CMIP: variants seen among roughly 807,000 people sequenced by gnomAD.
The protein encoded by CMIP is C-Maf-inducing protein.
CMIP carries 13 observed loss-of-function variants against 97.3 expected under a neutral mutation model. The observed-to-expected ratio is 0.13, with a 90% CI of 0.09 to 0.21. The LOEUF is 0.21. Ranked by LOEUF, CMIP falls within the 10% of genes least tolerant of loss-of-function variation. The pLI, the probability that CMIP is intolerant of heterozygous loss-of-function variation, is 1.00. For synonymous variants in CMIP, 538 were observed against 436.3 expected, an observed-to-expected ratio of 1.23 and a Z score of -2.91; for missense variants, 847 against 1,024.9, an observed-to-expected ratio of 0.83 and a Z score of 2.37.
chr16:81,696,297 A>G, intron 13 of CMIP: 1 of 554,176 alleles, frequency 1.8e-6, no homozygotes, highest in Non-Finnish European at 3.2e-6. Flanking sequence ...CAGATCAGCC[A>G]ATCAAGCCGG....
chr16:81,460,713 C>T (rs1038512673), intron 1 of CMIP, among the ~76,000 whole-genome samples: 2 of 152,170 alleles, frequency 1.3e-5, no homozygotes, highest in Non-Finnish European at 2.9e-5. Context: ...GTGTTCAGAG[C>T]CTCTTCCCTT....
chr16:81,535,888 T>C (rs147956846), intron 1 of CMIP, among the ~76,000 whole-genome samples: 1 of 152,324 alleles, frequency 6.6e-6, no homozygotes, highest in African/African-American at 2.4e-5. Flanking sequence ...TCAGTTTACA[T>C]GTTCCAGGTT....
At chr16:81,659,136 C>T (rs8051922) in intron 5 of CMIP, among the ~76,000 whole-genome samples, 7,408 of 152,290 alleles carry the variant, frequency 0.049, 257 homozygotes, top group African/African-American at 0.096. Flanking sequence ...TCAACCTGGG[C>T]ACCCCCAATC....
chr16:81,466,800 C>G (rs965132357), intron 1 of CMIP, among the ~76,000 whole-genome samples: 4 of 152,208 alleles, frequency 2.6e-5, no homozygotes, highest in African/African-American at 9.6e-5. Flanking sequence ...GCCAAAGATT[C>G]TGCCTCCTCC....
intron 1 of CMIP, among the ~76,000 whole-genome samples, chr16:81,607,148 C>A (rs975489701): frequency 1.3e-5 from 2 of 152,130 alleles, no homozygotes; most frequent in Non-Finnish European, 2.9e-5. Context: ...CTCTGGAGGC[C>A]GAGTGGAGGA....
intron 3 of CMIP, among the ~76,000 whole-genome samples, chr16:81,635,666 G>A (rs755665204): frequency 1.3e-5 from 2 of 152,146 alleles, no homozygotes; most frequent in Non-Finnish European, 2.9e-5. Context: ...TTGATTATCC[G>A]TGACCATGGA....
chr16:81,609,086 C>T (rs993554109), intron 2 of CMIP, among the ~76,000 whole-genome samples: 4 of 152,288 alleles, frequency 2.6e-5, no homozygotes, highest in Non-Finnish European at 4.4e-5. Flanking sequence ...CTGGAAACCA[C>T]GCCTGCCCCA....
At chr16:81,653,352 C>A (rs545652963) in intron 4 of CMIP, among the ~76,000 whole-genome samples, 4 of 152,352 alleles carry the variant, frequency 2.6e-5, no homozygotes, top group Admixed American at 6.5e-5. Flanking sequence ...GGGACGGGGC[C>A]TGGCACCGGC....
chr16:81,467,572 C>G (rs1485802181), intron 1 of CMIP, among the ~76,000 whole-genome samples: 1 of 151,564 alleles, frequency 6.6e-6, no homozygotes, highest in East Asian at 1.9e-4. Flanking sequence ...TTATTTTTTT[C>G]TTTTTCTTCT....
At chr16:81,683,650 A>G (rs1597245609) in intron 10 of CMIP, among the ~76,000 whole-genome samples, 1 of 151,842 alleles carries the variant, frequency 6.6e-6, no homozygotes, top group African/African-American at 2.4e-5. Context: ...TCAGCCTCCC[A>G]AAGATTACAG....
chr16:81,631,339 G>C (rs1358944422), intron 3 of CMIP: 2 of 152,196 alleles, frequency 1.3e-5, no homozygotes, highest in Non-Finnish European at 2.9e-5. Context: ...AGGAGGATGG[G>C]CCTTTTGGCC....
intron 1 of CMIP, among the ~76,000 whole-genome samples, chr16:81,509,527 C>A (rs1468617711): frequency 6.6e-6 from 1 of 152,206 alleles, no homozygotes; most frequent in Non-Finnish European, 1.5e-5. Flanking sequence ...GAATGACTTT[C>A]ATGTTGGTGC....
intron 1 of CMIP, among the ~76,000 whole-genome samples, chr16:81,461,155 G>A (rs930627144): frequency 6.6e-6 from 1 of 152,188 alleles, no homozygotes; most frequent in African/African-American, 2.4e-5. Context: ...TGAGTATGTG[G>A]GCAGTGGATC....
At chr16:81,445,660 G>A (rs928090737) in intron 1 of CMIP, 119 bp downstream of exon 1, 2 of 1,134,786 alleles carry the variant, frequency 1.8e-6, no homozygotes, top group African/African-American at 1.6e-5. Context: ...GGGGGGTGCC[G>A]GGGGAACGGG....
At chr16:81,546,095 A>G (rs147618996) in intron 1 of CMIP, among the ~76,000 whole-genome samples, 79 of 152,284 alleles carry the variant, frequency 5.2e-4, no homozygotes, top group African/African-American at 1.4e-3. Flanking sequence ...TTGATTTATA[A>G]TAGACTCTCA....
intron 1 of CMIP, among the ~76,000 whole-genome samples, chr16:81,506,449 C>T (rs866741239): frequency 6.6e-6 from 1 of 152,180 alleles, no homozygotes; most frequent in South Asian, 2.1e-4. Context: ...TTCTTCCTTA[C>T]ATTGCAATTT....
intron 1 of CMIP, among the ~76,000 whole-genome samples, chr16:81,550,900 T>C (rs1242717706): frequency 2.1e-5 from 3 of 141,288 alleles, no homozygotes; most frequent in East Asian, 2.2e-4. Context: ...ACACCCCAGT[T>C]CCGTCACATG....
intron 1 of CMIP, among the ~76,000 whole-genome samples, chr16:81,594,847 G>C (rs1246772739): frequency 6.8e-6 from 1 of 146,400 alleles, no homozygotes; most frequent in African/African-American, 2.5e-5. Flanking sequence ...AGCCAGAATG[G>C]TCTCAATCTC....
intron 1 of CMIP, among the ~76,000 whole-genome samples, chr16:81,489,754 G>T (rs1335378172): frequency 6.6e-6 from 1 of 152,210 alleles, no homozygotes; most frequent in Non-Finnish European, 1.5e-5. Flanking sequence ...CGATGTGTGC[G>T]TAGTGCCCAG....
Sources: allele counts gnomAD v4.1 joint callset (sites outside exome capture counted in the v4.1 genomes callset), GRCh38; gene constraint gnomAD v4.1.1; transcripts MANE v1.5; gene names NCBI Gene and HGNC (gene_info 2026-07-23, HGNC 2026-07-21).